The following GRK1 variants were observed in gnomAD, a reference collection of about 807,000 sequenced individuals.
GRK1 encodes rhodopsin kinase GRK1.
In GRK1, 28 loss-of-function variants were observed where a neutral mutation model predicts 41.7. The observed-to-expected ratio is 0.67, with a 90% CI of 0.50 to 0.92. GRK1 has a LOEUF of 0.92. Ranked by LOEUF, GRK1 falls within the 40% of genes least tolerant of loss-of-function variation. The probability of loss-of-function intolerance (pLI) is 0.00; values close to 1 mark genes in which losing one functional copy is unlikely to be tolerated. For synonymous variants in GRK1, 327 were observed against 286.7 expected, an observed-to-expected ratio of 1.14 and a Z score of -1.42; for missense variants, 703 against 671.2, an observed-to-expected ratio of 1.05 and a Z score of -0.52.
At position 113,671,488 on chromosome 13, in the gene GRK1, TCTTC is replaced by T; in HGVS notation, c.828-9_828-6del. On this transcript the variant is annotated splice_region_variant and splice_polypyrimidine_tract_variant and intron_variant, in intron 2 of 6. Transcript: ENST00000335678. This position sits in a 1 kb window ranked among gnomAD's most constrained non-coding sequence, Gnocchi z 4.1. Reference sequence around the variant, plus strand: ...ACCCGGGGTGCATGGTTCCCACGTGTCTTCCCCCAGGTACCACATCTACAACGTG... The same window carrying T: ...ACCCGGGGTGCATGGTTCCCACGTGTCCCCAGGTACCACATCTACAACGTG... 1 of 778,928 alleles carries T rather than the reference TCTTC, an allele frequency of 1.3e-6. No individual in the cohort carries two copies. The highest frequency in any genetic ancestry group is 2.4e-6 in the Non-Finnish European group (1 of 417,928). The allele number at this position is 778,928 out of a possible 1,614,324, so 48.3% of individuals were successfully genotyped here. A position where few individuals can be genotyped will look rare whatever the true frequency, so the allele number is the denominator to read the frequency against.
chr13:113,733,296 T>C (rs2140733693), intron 6 of GRK1, among the ~76,000 whole-genome samples: 1 of 152,316 alleles, frequency 6.6e-6, no homozygotes, highest in South Asian at 2.1e-4. Flanking sequence ...CAGAGGGCTC[T>C]GGGTGCAATG....
At position 113,732,945 on chromosome 13, in the gene GRK1, T is replaced by G; in HGVS notation, c.1256T>G (p.Phe419Cys). The change falls in exon 6 of 7, where the codon TTC (phenylalanine) becomes TGC (cysteine). Residue 419 changes from phenylalanine to cysteine, a missense_variant. Physicochemically the swap from Phe to Cys is radical, Grantham distance 205 (BLOSUM62 -2). Coordinates refer to ENST00000335678, the MANE Select transcript of GRK1 (RefSeq NM_002929.3). The part of the protein sequence containing the change: ...ISEPVKYPDK[F>C]SQASKDFCEA... ...GAGCCCGTGAAGTACCCTGATAAGTTCAGCCAGGCCAGCAAGGACTTCTGC... is the reference window on the plus strand; with the variant it reads ...GAGCCCGTGAAGTACCCTGATAAGTGCAGCCAGGCCAGCAAGGACTTCTGC... 1 of 1,537,010 alleles carries G rather than the reference T, an allele frequency of 6.5e-7. No homozygotes were observed. Among genetic ancestry groups the G allele is most frequent in the South Asian group, 1.2e-5 (1 of 84,058 alleles).
Position 113,669,732 on chromosome 13 carries a change from TTCA to T in GRK1, c.748_750del (p.Ile250del). On this transcript the variant is annotated inframe_deletion, in exon 2 of 7. Coordinates refer to ENST00000335678, the MANE Select transcript of GRK1 (RefSeq NM_002929.3). Reference sequence around the variant, plus strand: ...GATTCTGATGAAAGTACACAGCAGGTTCATCGTGTCTCTGGCCTATGCGTTTGA... The same window carrying T: ...GATTCTGATGAAAGTACACAGCAGGTTCGTGTCTCTGGCCTATGCGTTTGA... 2 of 1,613,944 alleles carry T rather than the reference TTCA, an allele frequency of 1.2e-6. No individual in the cohort carries two copies. Among genetic ancestry groups the T allele is most frequent in the African/African-American group, 1.3e-5 (1 of 75,022 alleles).
At chr13:113,734,212 C>T (rs1036967260) in intron 6 of GRK1, among the ~76,000 whole-genome samples, 2 of 152,140 alleles carry the variant, frequency 1.3e-5, no homozygotes, top group African/African-American at 2.4e-5. Flanking sequence ...GAGCAGAAGA[C>T]CCCCCAAACG....
Position 113,667,711 on chromosome 13 carries a change from A to G in GRK1, c.325A>G (p.Thr109Ala). The G allele has an allele frequency of 1.2e-6, 2 of 1,613,816 alleles. No homozygotes were observed. The highest frequency in any genetic ancestry group is 1.7e-6 in the Non-Finnish European group (2 of 1,179,896). ...TGACCTCCAGCCACAGAAGGCCCAG[A>G]CCATCCTGGCCCAGTACCTGGACCC... ...DNDLQPQKAQ[T>A]ILAQYLDPQA... The change falls in exon 1 of 7, where the codon ACC becomes GCC. Residue 109 changes from threonine (T) to alanine (A), a missense_variant. By Grantham distance (58) the Thr-to-Ala change is moderately conservative (BLOSUM62 0). Coordinates refer to ENST00000335678, the MANE Select transcript of GRK1 (RefSeq NM_002929.3). This position sits in a 1 kb window ranked among gnomAD's most constrained non-coding sequence, Gnocchi z 7.5.
chr13:113,733,142 G>C, intron 6 of GRK1, 57 bp downstream of exon 6: 1 of 1,482,648 alleles, frequency 6.7e-7, no homozygotes, highest in East Asian at 2.5e-5. Context: ...TGTGGCCCTT[G>C]GGTGTCCGCC....
chr13:113,666,917 A>T (rs530608389), upstream of GRK1, among the ~76,000 whole-genome samples: 5 of 152,298 alleles, frequency 3.3e-5, no homozygotes, highest in Admixed American at 2.0e-4. Flanking sequence ...CCACATCCCA[A>T]GGAAACAGCA....
intron 4 of GRK1, among the ~76,000 whole-genome samples, chr13:113,727,833 G>A (rs537081822): frequency 3.3e-4 from 34 of 103,546 alleles, no homozygotes; most frequent in African/African-American, 1.0e-3. Flanking sequence ...CCATGGCGAT[G>A]AGGAGTACCC....
intron 2 of GRK1, 34 bp downstream of exon 2, chr13:113,669,848 C>G: frequency 6.2e-7 from 1 of 1,611,460 alleles, no homozygotes; most frequent in Non-Finnish European, 8.5e-7. Flanking sequence ...GAGGGGGCCC[C>G]GCTGTCCCAC....
the GRK1 span, chr13:113,652,563 T>C: frequency 2.3e-6 from 1 of 444,104 alleles, no homozygotes; most frequent in Non-Finnish European, 4.2e-6. Context: ...TTGAGGCCCC[T>C]TTACCTGGCC....
At chr13:113,652,887 T>C in the GRK1 span, 1 of 1,614,212 alleles carries the variant, frequency 6.2e-7, no homozygotes, top group Non-Finnish European at 8.5e-7. Context: ...TTCATTTTAA[T>C]AATAAAACAT....
chr13:113,653,336 GGA>G, the GRK1 span: 1 of 1,613,680 alleles, frequency 6.2e-7, no homozygotes, highest in Non-Finnish European at 8.5e-7. Context: ...AGGAAGGCGT[GGA>G]GAGTCTGTGT....
chr13:113,731,189 C>G lies in GRK1; in HGVS notation c.1070-30C>G, dbSNP rs981966802. 1.3e-6 allele frequency: 2 copies of G among 1,535,234 alleles called. No individual in the cohort carries two copies. Among genetic ancestry groups the G allele is most frequent in the Non-Finnish European group, 1.7e-6 (2 of 1,145,716 alleles). Reference sequence around the variant, plus strand: ...GCGTGCCCACCATGGAGGTGACCACCTCTGAACCCGCAATGTCCCTTGCTG... The same window carrying G: ...GCGTGCCCACCATGGAGGTGACCACGTCTGAACCCGCAATGTCCCTTGCTG... On this transcript the variant is annotated intron_variant, in intron 4 of 6. Coordinates refer to ENST00000335678, the MANE Select transcript of GRK1 (RefSeq NM_002929.3). The surrounding 1 kb of genome is among the most constrained non-coding windows in gnomAD (Gnocchi z 5.6).
the GRK1 span, among the ~76,000 whole-genome samples, chr13:113,655,151 G>C: frequency 1.3e-5 from 2 of 152,164 alleles, no homozygotes; most frequent in African/African-American, 4.8e-5. Flanking sequence ...TCTGCCTCTG[G>C]GTTTGCCCGT....
rs141631730 is a variant in GRK1, at chr13:113,728,792, C to A, written c.1070-2427C>A. On this transcript the variant is annotated intron_variant, in intron 4 of 6. Coordinates refer to ENST00000335678, the MANE Select transcript of GRK1 (RefSeq NM_002929.3). ...GTGTGGCTGTGGCCTCGAACCTCAT[C>A]CCTATGAAGAAGGAGGGATGCCCTG... Among the ~76,000 whole-genome samples, 1,231 of 152,322 alleles carry A rather than the reference C, an allele frequency of 8.1e-3. 13 individuals are homozygous for A. Among genetic ancestry groups the A allele is most frequent in the African/African-American group, 0.028 (1,182 of 41,560 alleles).
chr13:113,659,240 G>T, the GRK1 span, among the ~76,000 whole-genome samples: 1 of 152,260 alleles, frequency 6.6e-6, no homozygotes. Context: ...GATGGCAGAT[G>T]CCATTGCTGC....
At chr13:113,649,382 C>T in the GRK1 span, 4 of 1,594,202 alleles carry the variant, frequency 2.5e-6, no homozygotes, top group Non-Finnish European at 3.4e-6. The surrounding 1 kb of genome is among the most constrained non-coding windows in gnomAD (Gnocchi z 4.7). Context: ...TTTCACTTCT[C>T]AATCTTGAGT....
chr13:113,729,097 A>G (rs1038536845), intron 4 of GRK1, among the ~76,000 whole-genome samples: 5 of 152,028 alleles, frequency 3.3e-5, no homozygotes, highest in African/African-American at 9.7e-5. Flanking sequence ...GGTGCTGAGG[A>G]CTCGAGCTGA....
chr13:113,670,813 G>A (rs1292439479), intron 2 of GRK1, among the ~76,000 whole-genome samples: 2 of 150,410 alleles, frequency 1.3e-5, no homozygotes, highest in South Asian at 2.1e-4. Flanking sequence ...GTGCCCAGGC[G>A]GAGGGGAGGG....
Sources: allele counts gnomAD v4.1 joint callset (sites outside exome capture counted in the v4.1 genomes callset), GRCh38; gene constraint gnomAD v4.1.1; non-coding constraint Gnocchi (gnomAD v3.1); transcripts MANE v1.5; gene names NCBI Gene and HGNC (gene_info 2026-07-23, HGNC 2026-07-21).